The following POSTN variants were observed in gnomAD, a reference collection of about 807,000 sequenced individuals.
POSTN encodes periostin, also known as osteoblast specific factor 2 (fasciclin I-like).
A neutral mutation model predicts 104.5 loss-of-function variants in POSTN; 71 were observed. The ratio of observed to expected loss-of-function variants is 0.68; its 90% CI spans 0.56 to 0.83. The LOEUF is 0.83. Among genes scored for constraint, POSTN ranks in the 40% least tolerant of loss-of-function variants. The probability of loss-of-function intolerance (pLI) is 0.00; values close to 1 mark genes in which losing one functional copy is unlikely to be tolerated. For missense variants in POSTN, 949 were observed against 1,006.8 expected (o/e 0.94, Z 0.78); for synonymous variants, 355 against 340.7 (o/e 1.04, Z -0.46).
chr13:37,585,951 T>A (rs573996037), intron 7 of POSTN, among the ~76,000 whole-genome samples, 188 bp downstream of exon 7: 1 of 152,330 alleles, frequency 6.6e-6, no homozygotes, highest in Non-Finnish European at 1.5e-5. Context: ...TTGAGAGTAT[T>A]CTTATTATTT....
At position 37,592,543 on chromosome 13, in the gene POSTN, C is replaced by A. The variant is rs551031684; in HGVS notation, c.219-379G>T. Among the ~76,000 whole-genome samples the A allele has an allele frequency of 3.3e-5, 5 of 152,294 alleles. No individual in the cohort carries two copies. The South Asian group carries it at 6.2e-4, about 19-fold the overall frequency. ...TCAATTTCCTGACCTCATGATCCGC[C>A]CACCTGGGCCTCCCAAAGTGTTGGG... On this transcript the variant is annotated intron_variant, in intron 2 of 22. Transcript: ENST00000379747.
At chr13:37,583,613 T>A (rs930425088) in intron 9 of POSTN, among the ~76,000 whole-genome samples, 5 of 151,760 alleles carry the variant, frequency 3.3e-5, no homozygotes, top group African/African-American at 1.2e-4. Flanking sequence ...TTAGTAGAGA[T>A]GGGTTCTCAC....
intron 12 of POSTN, among the ~76,000 whole-genome samples, 161 bp downstream of exon 12, chr13:37,579,700 C>T (rs1294020345): frequency 6.6e-6 from 1 of 152,148 alleles, no homozygotes; most frequent in Non-Finnish European, 1.5e-5. Flanking sequence ...TACTGAGTGA[C>T]CCTCCACACA....
At chr13:37,590,714 A>G (rs1010378954) in intron 3 of POSTN, among the ~76,000 whole-genome samples, 185 bp from the exon 4 acceptor site, 1 of 151,822 alleles carries the variant, frequency 6.6e-6, no homozygotes, top group Non-Finnish European at 1.5e-5. Flanking sequence ...ATGCTACTGA[A>G]AAACATTATT....
chr13:37,582,707 C>G (rs1223356347), intron 9 of POSTN, among the ~76,000 whole-genome samples, 193 bp from the exon 10 acceptor site: 1 of 152,090 alleles, frequency 6.6e-6, no homozygotes, highest in Non-Finnish European at 1.5e-5. Context: ...ACTCTGTGAC[C>G]TATTGTATTA....
At chr13:37,567,253 A>AAAAAAAAAAAAAAAAAAAAC (rs1950137918) in intron 21 of POSTN, among the ~76,000 whole-genome samples, 1 of 144,840 alleles carries the variant, frequency 6.9e-6, no homozygotes, top group Non-Finnish European at 1.5e-5. Context: ...AAAAAAAAAA[A>AAAAAAAAAAAAAAAAAAAAC]TGTACTACAT....
intron 16 of POSTN, among the ~76,000 whole-genome samples, chr13:37,575,929 C>CT (rs1950394684): frequency 6.6e-6 from 1 of 152,212 alleles, no homozygotes; most frequent in South Asian, 2.1e-4. Flanking sequence ...ATACACAGGG[C>CT]TCTCTATTGC....
At chr13:37,572,697 G>A (rs764658831) in intron 17 of POSTN, among the ~76,000 whole-genome samples, 24 of 151,490 alleles carry the variant, frequency 1.6e-4, no homozygotes, top group Non-Finnish European at 3.4e-4. Flanking sequence ...TTGTTGAATT[G>A]AATTTTAGCT....
At chr13:37,580,737 G>A (rs772053156) in intron 10 of POSTN, 40 bp from the exon 11 acceptor site, 1 of 1,612,406 alleles carries the variant, frequency 6.2e-7, no homozygotes, top group African/African-American at 1.3e-5. Flanking sequence ...CATTTTCCTT[G>A]CTTGAAATTT....
chr13:37,587,783 G>C (rs748941350), intron 5 of POSTN, 39 bp downstream of exon 5: 4 of 1,394,532 alleles, frequency 2.9e-6, no homozygotes, highest in South Asian at 1.3e-5. Flanking sequence ...ATTAAAGAAG[G>C]TATTTTTCAT....
At chr13:37,570,492 T>C in intron 19 of POSTN, 88 bp downstream of exon 19, 1 of 888,134 alleles carries the variant, frequency 1.1e-6, no homozygotes, top group South Asian at 1.7e-5. Flanking sequence ...AAATGACTTG[T>C]TTCTTTAATG....
In POSTN at chr13:37,589,322, T is replaced by C. The variant is rs1014146576; in HGVS notation, c.441+1050A>G. 1.3e-5 allele frequency among the ~76,000 whole-genome samples: 2 copies of C among 152,180 alleles called. 1 individual carries two copies. Among genetic ancestry groups the C allele is most frequent in the Non-Finnish European group, 2.9e-5 (2 of 68,028 alleles). ...AGTCAAGTGCTGGAAGAAATTCTTA[T>C]AAGTTCCATTCTTTTTATTTTTATT... On this transcript the variant is annotated intron_variant, in intron 4 of 22. Transcript: ENST00000379747.
intron 20 of POSTN, 153 bp downstream of exon 20, chr13:37,569,591 T>G (rs1950203801): frequency 2.4e-6 from 2 of 816,608 alleles, no homozygotes; most frequent in Non-Finnish European, 4.2e-6. Context: ...GACTGCCATT[T>G]ATGCTTAATT....
chr13:37,564,831 G>A (rs575830562), intron 21 of POSTN: 11 of 283,256 alleles, frequency 3.9e-5, no homozygotes, highest in Admixed American at 2.1e-4. Flanking sequence ...CACCTAATGT[G>A]CCATTTTTGC....
chr13:37,580,054 G>T, intron 11 of POSTN, 63 bp from the exon 12 acceptor site: 4 of 1,413,450 alleles, frequency 2.8e-6, no homozygotes, highest in Non-Finnish European at 3.9e-6. Flanking sequence ...CACCTACAGT[G>T]CATGTAATAG....
At chr13:37,569,132 A>G (rs1024607390) in intron 21 of POSTN, 168 bp downstream of exon 21, 1 of 493,050 alleles carries the variant, frequency 2.0e-6, no homozygotes, top group Non-Finnish European at 3.6e-6. Context: ...TCATTTCTTC[A>G]TAACTATTAA....
chr13:37,587,328 A>G lies in POSTN; in HGVS notation c.607-400T>C, dbSNP rs181319936. On this transcript the variant is annotated intron_variant, in intron 5 of 22. Coordinates refer to ENST00000379747, the MANE Select transcript of POSTN (RefSeq NM_006475.3). ...AAACAAATAATTATTGTATAGATAT[A>G]ATTAGTTACATTACAAGAACTTCCT... Among the ~76,000 whole-genome samples the G allele has an allele frequency of 6.1e-3, 933 of 152,298 alleles. 8 individuals are homozygous for G. The highest frequency in any genetic ancestry group is 9.2e-3 in the Non-Finnish European group (629 of 68,018).
chr13:37,594,216 A>T (rs1230896543), intron 2 of POSTN, among the ~76,000 whole-genome samples: 4 of 152,150 alleles, frequency 2.6e-5, no homozygotes, highest in Non-Finnish European at 5.9e-5. Context: ...AAAAAATGAG[A>T]TACAAATGTG....
At chr13:37,564,030 A>G (rs1950005719) in intron 22 of POSTN, among the ~76,000 whole-genome samples, 2 of 151,044 alleles carry the variant, frequency 1.3e-5, no homozygotes, top group Non-Finnish European at 3.0e-5. Context: ...CTTATGTCTC[A>G]AACTGTAGCA....
Sources: gnomAD v4.1 joint callset for allele counts (sites outside exome capture counted in the v4.1 genomes callset) on GRCh38, gnomAD v4.1.1 for gene constraint, MANE v1.5 for transcripts, NCBI Gene and HGNC (gene_info 2026-07-23, HGNC 2026-07-21) for gene names.